CD1B: variants seen among roughly 807,000 people sequenced by gnomAD.
CD1B encodes the protein T-cell surface glycoprotein CD1b.
CD1B carries 43 observed loss-of-function variants against 39.8 expected under a neutral mutation model. The observed-to-expected ratio is 1.08, with a 90% CI of 0.85 to 1.39. CD1B has a LOEUF of 1.39. CD1B is among the 40% of genes most tolerant of loss of function. The pLI, the probability that CD1B is intolerant of heterozygous loss-of-function variation, is 0.00. For synonymous variants in CD1B, 192 were observed against 152.5 expected, an observed-to-expected ratio of 1.26 and a Z score of -1.91; for missense variants, 495 against 403.8, an observed-to-expected ratio of 1.23 and a Z score of -1.94.
At chr1:158,318,951 G>C in the CD1B span, among the ~76,000 whole-genome samples, 1 of 152,078 alleles carries the variant, frequency 6.6e-6, no homozygotes, top group African/African-American at 2.4e-5. Flanking sequence ...ATTTAATTCT[G>C]GGTTGAAAAT....
chr1:158,323,897 C>T (rs962907918), downstream of CD1B, among the ~76,000 whole-genome samples: 1 of 152,130 alleles, frequency 6.6e-6, no homozygotes, highest in African/African-American at 2.4e-5. Flanking sequence ...GAGACTGGGT[C>T]CCCTCAGGAT....
the CD1B span, among the ~76,000 whole-genome samples, chr1:158,317,350 G>A: frequency 7.4e-4 from 112 of 152,246 alleles, 4 homozygotes; most frequent in South Asian, 0.023. Flanking sequence ...TCCTGTTATT[G>A]GTCTATTCAG....
downstream of CD1B, among the ~76,000 whole-genome samples, chr1:158,326,063 G>A (rs1399263585): frequency 5.3e-5 from 8 of 152,098 alleles, no homozygotes; most frequent in East Asian, 5.8e-4. Flanking sequence ...TCCGCCTCCC[G>A]GGTTCATGCC....
the CD1B span, among the ~76,000 whole-genome samples, chr1:158,320,077 G>A: frequency 8.5e-5 from 13 of 152,336 alleles, no homozygotes; most frequent in Admixed American, 1.3e-4. Flanking sequence ...CTGTCAGACA[G>A]GGACATTTAA....
the CD1B span, among the ~76,000 whole-genome samples, chr1:158,321,924 C>T: frequency 6.6e-6 from 1 of 152,068 alleles, no homozygotes; most frequent in African/African-American, 2.4e-5. Context: ...TCCTCTCATC[C>T]ACCACACTCA....
the CD1B span, among the ~76,000 whole-genome samples, chr1:158,286,824 C>T: frequency 6.6e-6 from 1 of 152,142 alleles, no homozygotes. Context: ...GGGGGAATTT[C>T]CCATAAATAC....
chr1:158,320,950 C>T, the CD1B span, among the ~76,000 whole-genome samples: 5 of 152,204 alleles, frequency 3.3e-5, no homozygotes, highest in East Asian at 9.7e-4. Flanking sequence ...GGAGAATGTT[C>T]CATGTACTGT....
At chr1:158,292,533 G>C in the CD1B span, 1 of 1,555,906 alleles carries the variant, frequency 6.4e-7, no homozygotes, top group Non-Finnish European at 8.8e-7. Context: ...ATGTGGATGT[G>C]TGTATGTGGA....
the CD1B span, among the ~76,000 whole-genome samples, chr1:158,304,386 C>T: frequency 1.3e-5 from 2 of 152,050 alleles, no homozygotes; most frequent in African/African-American, 4.8e-5. Flanking sequence ...AGCAGAGAGG[C>T]TGGGGGAGGG....
At chr1:158,304,533 G>T in the CD1B span, among the ~76,000 whole-genome samples, 2 of 152,164 alleles carry the variant, frequency 1.3e-5, no homozygotes, top group Non-Finnish European at 2.9e-5. Context: ...CCAAACCAAA[G>T]GCAGCAGAAT....
At chr1:158,327,940 G>A, downstream of CD1B, 1 of 279,594 alleles carries the variant, frequency 3.6e-6, no homozygotes, top group Non-Finnish European at 6.6e-6. Flanking sequence ...GAAGCCAAAG[G>A]GAGTCACCAT....
the CD1B span, among the ~76,000 whole-genome samples, chr1:158,316,976 A>G: frequency 2.0e-5 from 3 of 151,206 alleles, no homozygotes; most frequent in African/African-American, 7.3e-5. Flanking sequence ...ATTTGCGTAT[A>G]TTGAACCAGC....
chr1:158,312,150 C>T, the CD1B span, among the ~76,000 whole-genome samples: 1 of 151,940 alleles, frequency 6.6e-6, no homozygotes, highest in Non-Finnish European at 1.5e-5. Context: ...ATGATTTGGC[C>T]CTGTGTCCCC....
At chr1:158,291,148 G>A in the CD1B span, 13 of 1,606,954 alleles carry the variant, frequency 8.1e-6, no homozygotes, top group Middle Eastern at 1.6e-4. Context: ...CCAGGAACAC[G>A]TCTCCTTCCA....
chr1:158,314,471 A>C, the CD1B span, among the ~76,000 whole-genome samples: 4 of 151,946 alleles, frequency 2.6e-5, no homozygotes, highest in African/African-American at 7.2e-5. Context: ...CTGTTTTTAC[A>C]TTTATCGTTG....
At chr1:158,299,411 G>T in the CD1B span, among the ~76,000 whole-genome samples, 10 of 152,244 alleles carry the variant, frequency 6.6e-5, no homozygotes, top group South Asian at 2.1e-4. Context: ...GCTGGATTTT[G>T]TTTGCCAGTA....
chr1:158,317,503 G>A, the CD1B span, among the ~76,000 whole-genome samples: 1 of 152,162 alleles, frequency 6.6e-6, no homozygotes, highest in Non-Finnish European at 1.5e-5. Context: ...GGGATCGGTG[G>A]TGATATCCCC....
chr1:158,330,096 C>T lies in CD1B; in HGVS notation c.363G>A (p.Glu121=). 6.2e-7 allele frequency: 1 copy of T among 1,613,736 alleles called. No individual in the cohort carries two copies. The highest frequency in any genetic ancestry group is 8.5e-7 in the Non-Finnish European group (1 of 1,179,796). ...PFEIQGIAGC[E]LHSGGAIVSF... ...TTACTATGGCACCTCCAGAATGTAG[C>T]TCACAGCCTGCTATGCCCTGGATCT... The change falls in exon 3 of 6, where the codon GAG becomes GAA. Residue 121 remains glutamate, a synonymous_variant. Transcript: ENST00000368168.
the CD1B span, among the ~76,000 whole-genome samples, chr1:158,302,667 C>A: frequency 6.6e-6 from 1 of 152,060 alleles, no homozygotes; most frequent in Non-Finnish European, 1.5e-5. Context: ...CCTCTATGCA[C>A]GTAAACTATG....
Sources: allele counts gnomAD v4.1 joint callset (sites outside exome capture counted in the v4.1 genomes callset), GRCh38; gene constraint gnomAD v4.1.1; transcripts MANE v1.5; gene names NCBI Gene and HGNC (gene_info 2026-07-23, HGNC 2026-07-21).